The following TTC28 variants were observed in gnomAD, a reference collection of about 807,000 sequenced individuals.
TTC28 encodes tetratricopeptide repeat protein 28.
TTC28 carries 61 observed loss-of-function variants against 198.0 expected under a neutral mutation model. That is an observed-to-expected ratio of 0.31 (90% confidence interval 0.25 to 0.38). TTC28 has a LOEUF of 0.38. Ranked by LOEUF, TTC28 falls within the 10% of genes least tolerant of loss-of-function variation. The pLI is 1.00. For missense variants in TTC28, 2,678 were observed against 3,164.0 expected (o/e 0.85, Z 3.69); for synonymous variants, 1,171 against 1,297.8 (o/e 0.90, Z 2.10).
At chr22:28,206,182 T>C (rs1926390688) in intron 5 of TTC28, among the ~76,000 whole-genome samples, 1 of 152,110 alleles carries the variant, frequency 6.6e-6, no homozygotes, top group Admixed American at 6.5e-5. Flanking sequence ...CTAATTAAAA[T>C]ACAACAGCCA....
intron 5 of TTC28, among the ~76,000 whole-genome samples, chr22:28,200,290 T>A (rs1273728302): frequency 6.6e-6 from 1 of 152,084 alleles, no homozygotes; most frequent in Non-Finnish European, 1.5e-5. Flanking sequence ...GACAAAGATT[T>A]AAAAAATACA....
At chr22:28,189,200 T>C (rs576730804) in intron 5 of TTC28, among the ~76,000 whole-genome samples, 2 of 152,064 alleles carry the variant, frequency 1.3e-5, no homozygotes, top group African/African-American at 4.8e-5. Context: ...CAAATACATA[T>C]GTATGTAAAG....
intron 5 of TTC28, among the ~76,000 whole-genome samples, chr22:28,192,709 G>T (rs138140352): frequency 6.6e-6 from 1 of 152,072 alleles, no homozygotes; most frequent in South Asian, 2.1e-4. Flanking sequence ...AAGAGCGAAT[G>T]AATGAAATGA....
Position 28,247,372 on chromosome 22 carries a change from C to T in TTC28, c.933+48826G>A, listed in dbSNP as rs5762537. Among the ~76,000 whole-genome samples the T allele has an allele frequency of 2.8e-3, 419 of 152,294 alleles. 13 individuals are homozygous for T. In the East Asian group the frequency reaches 0.048, roughly 18 times the overall value. Reference sequence around the variant, plus strand: ...TATAATGAGAATCATATGCGACTGCCTGAGTGAAGCTGAGAGTTGCTTACA... The same window carrying T: ...TATAATGAGAATCATATGCGACTGCTTGAGTGAAGCTGAGAGTTGCTTACA... On this transcript the variant is annotated intron_variant, in intron 5 of 22. Transcript: ENST00000397906.
chr22:28,402,509 G>T (rs2046931356), intron 2 of TTC28, among the ~76,000 whole-genome samples: 1 of 152,136 alleles, frequency 6.6e-6, no homozygotes, highest in East Asian at 1.9e-4. Context: ...TGATAACAAG[G>T]GCTTTCTGGA....
At chr22:28,675,145 A>C (rs983512559) in intron 1 of TTC28, among the ~76,000 whole-genome samples, 7 of 152,134 alleles carry the variant, frequency 4.6e-5, no homozygotes, top group Non-Finnish European at 1.0e-4. Context: ...AGGAAAGGAC[A>C]CTCTTTTCAA....
intron 12 of TTC28, among the ~76,000 whole-genome samples, chr22:28,061,708 T>C (rs1457077920): frequency 6.6e-6 from 1 of 152,240 alleles, no homozygotes; most frequent in Non-Finnish European, 1.5e-5. Context: ...CAGGCTCTTC[T>C]TTGGTTCCAT....
At position 28,056,610 on chromosome 22, in the gene TTC28, A is replaced by G. The variant is rs199876490; in HGVS notation, c.3933-26244T>C. On this transcript the variant is annotated intron_variant, in intron 12 of 22. Coordinates refer to ENST00000397906, the MANE Select transcript of TTC28 (RefSeq NM_001145418.2). ...AGAAGGCAATTATTAGCCATAATAC[A>G]TTTATGGTTTTTAATATAAAATTTA... 5.5e-4 allele frequency among the ~76,000 whole-genome samples: 83 copies of G among 152,020 alleles called. 1 individual carries two copies. Among genetic ancestry groups the G allele is most frequent in the Admixed American group, 4.5e-3 (69 of 15,264 alleles).
At chr22:28,127,662 T>C (rs1370901173) in intron 6 of TTC28, among the ~76,000 whole-genome samples, 1 of 152,164 alleles carries the variant, frequency 6.6e-6, no homozygotes, top group Non-Finnish European at 1.5e-5. Context: ...GTTAATAAAA[T>C]ATATTATTAA....
intron 2 of TTC28, among the ~76,000 whole-genome samples, chr22:28,423,806 T>C (rs1447569674): frequency 6.6e-6 from 1 of 152,192 alleles, no homozygotes; most frequent in East Asian, 1.9e-4. Context: ...TATAAAATGG[T>C]TTGATATGAG....
At chr22:28,537,154 G>T (rs1439587356) in intron 2 of TTC28, among the ~76,000 whole-genome samples, 1 of 151,302 alleles carries the variant, frequency 6.6e-6, no homozygotes, top group South Asian at 2.1e-4. Context: ...TTAGCCGGGC[G>T]TGGTGGCGGG....
chr22:28,678,971 T>C (rs1484712618), intron 1 of TTC28, among the ~76,000 whole-genome samples: 1 of 152,016 alleles, frequency 6.6e-6, no homozygotes, highest in East Asian at 1.9e-4. Flanking sequence ...CTCTAACGGG[T>C]TTGGGAGGCA....
chr22:28,052,227 T>G (rs943654852), intron 12 of TTC28, among the ~76,000 whole-genome samples: 1 of 152,206 alleles, frequency 6.6e-6, no homozygotes, highest in African/African-American at 2.4e-5. Flanking sequence ...CAGAATGTGG[T>G]GCATTCTGTA....
At chr22:28,280,201 A>C (rs2044557035) in intron 5 of TTC28, among the ~76,000 whole-genome samples, 1 of 152,186 alleles carries the variant, frequency 6.6e-6, no homozygotes. Context: ...CATGCTCCCA[A>C]CAACAACGTA....
At chr22:28,204,102 A>G (rs1389342646) in intron 5 of TTC28, among the ~76,000 whole-genome samples, 1 of 151,866 alleles carries the variant, frequency 6.6e-6, no homozygotes, top group Admixed American at 6.6e-5. Flanking sequence ...CCATAGGGGC[A>G]CTCTCTCTCT....
At chr22:28,360,829 C>T (rs2046147297) in intron 2 of TTC28, among the ~76,000 whole-genome samples, 1 of 152,184 alleles carries the variant, frequency 6.6e-6, no homozygotes, top group Non-Finnish European at 1.5e-5. Context: ...TCCAACAGTG[C>T]TCACCTAGTG....
intron 12 of TTC28, among the ~76,000 whole-genome samples, chr22:28,089,415 C>G (rs1448860430): frequency 6.7e-6 from 1 of 148,830 alleles, no homozygotes; most frequent in African/African-American, 2.5e-5. Flanking sequence ...ATCGCAAGAA[C>G]AAGAAAGCAA....
intron 6 of TTC28, among the ~76,000 whole-genome samples, chr22:28,121,398 CT>C (rs1417639873): frequency 2.0e-5 from 3 of 152,320 alleles, no homozygotes; most frequent in African/African-American, 7.2e-5. Flanking sequence ...CCAACCACTT[CT>C]TCCATGCATA....
At chr22:28,543,840 TAAATA>T (rs926277585) in intron 2 of TTC28, among the ~76,000 whole-genome samples, 1 of 152,142 alleles carries the variant, frequency 6.6e-6, no homozygotes, top group African/African-American at 2.4e-5. Flanking sequence ...GAAAAAATTC[TAAATA>T]AAATTGTTGC....
Sources: gnomAD v4.1 joint callset for allele counts (sites outside exome capture counted in the v4.1 genomes callset) on GRCh38, gnomAD v4.1.1 for gene constraint, MANE v1.5 for transcripts, NCBI Gene and HGNC (gene_info 2026-07-23, HGNC 2026-07-21) for gene names.